NAALADL2: variants seen among roughly 807,000 people sequenced by gnomAD.
The protein encoded by NAALADL2 is N-acetylated alpha-linked acidic dipeptidase like 2, also known as inactive N-acetylated-alpha-linked acidic dipeptidase-like protein 2.
NAALADL2 carries 76 observed loss-of-function variants against 87.2 expected under a neutral mutation model. The observed-to-expected ratio is 0.87, with a 90% CI of 0.72 to 1.05. The LOEUF (loss-of-function observed/expected upper bound fraction) is 1.05, where lower values mean the gene tolerates loss of function less well. NAALADL2 is among the 50% of genes least tolerant of loss of function. The probability of loss-of-function intolerance (pLI) is 0.00; values close to 1 mark genes in which losing one functional copy is unlikely to be tolerated. For missense variants in NAALADL2, 1,089 were observed against 945.8 expected (o/e 1.15, Z -1.99); for synonymous variants, 354 against 331.0 (o/e 1.07, Z -0.75).
At chr3:174,487,754 T>C (rs1269455260) in intron 1 of NAALADL2, among the ~76,000 whole-genome samples, 2 of 151,780 alleles carry the variant, frequency 1.3e-5, no homozygotes, top group Non-Finnish European at 2.9e-5. Context: ...GGTAGACGTG[T>C]CTATGCTAGA....
chr3:175,237,449 T>C (rs1452441200), intron 3 of NAALADL2, among the ~76,000 whole-genome samples: 3 of 152,284 alleles, frequency 2.0e-5, no homozygotes, highest in African/African-American at 7.2e-5. Flanking sequence ...AAACTAGAAA[T>C]GTGAATTCGC....
chr3:175,384,221 T>C (rs1385294928), intron 5 of NAALADL2, among the ~76,000 whole-genome samples: 1 of 152,054 alleles, frequency 6.6e-6, no homozygotes, highest in Non-Finnish European at 1.5e-5. Context: ...AGTATAATGG[T>C]AAATATTCCT....
intron 1 of NAALADL2, among the ~76,000 whole-genome samples, chr3:174,987,537 C>A (rs1423192087): frequency 8.3e-6 from 1 of 120,160 alleles, no homozygotes; most frequent in East Asian, 2.5e-4. Context: ...CCACTGCACT[C>A]CAGCCTGGGC....
chr3:175,048,480 T>A (rs1295941771), intron 1 of NAALADL2, among the ~76,000 whole-genome samples: 1 of 151,830 alleles, frequency 6.6e-6, no homozygotes, highest in African/African-American at 2.4e-5. Flanking sequence ...AAGCCATCAT[T>A]GAAAGTAGAG....
intron 3 of NAALADL2, among the ~76,000 whole-genome samples, chr3:174,799,569 C>A (rs1214988570): frequency 6.6e-6 from 1 of 152,176 alleles, no homozygotes; most frequent in Non-Finnish European, 1.5e-5. Context: ...AACTGTAAGT[C>A]CCTTAAACCT....
intron 4 of NAALADL2, among the ~76,000 whole-genome samples, chr3:175,262,487 TAG>T (rs1751211936): frequency 6.6e-6 from 1 of 151,964 alleles, no homozygotes; most frequent in African/African-American, 2.4e-5. Context: ...TGCATTTAAT[TAG>T]TTAGCCTTAA....
chr3:174,804,200 T>C (rs1393441846), intron 3 of NAALADL2, among the ~76,000 whole-genome samples: 1 of 152,132 alleles, frequency 6.6e-6, no homozygotes, highest in African/African-American at 2.4e-5. Flanking sequence ...TTGTAAGTTG[T>C]ATTCCTAGGT....
At chr3:174,925,930 A>T (rs1735953286) in intron 1 of NAALADL2, among the ~76,000 whole-genome samples, 2 of 152,194 alleles carry the variant, frequency 1.3e-5, no homozygotes, top group Non-Finnish European at 1.5e-5. Context: ...GAAAGTTCGA[A>T]CCAATCACAA....
At chr3:175,173,292 A>C (rs141874682) in intron 2 of NAALADL2, among the ~76,000 whole-genome samples, 3,450 of 138,616 alleles carry the variant, frequency 0.025, 147 homozygotes, top group African/African-American at 0.087. Flanking sequence ...ACTCCGTTTC[A>C]AAATAAATAA....
chr3:175,430,533 G>T (rs954235218), intron 5 of NAALADL2, among the ~76,000 whole-genome samples: 2 of 151,826 alleles, frequency 1.3e-5, no homozygotes, highest in Non-Finnish European at 2.9e-5. Flanking sequence ...ACTCTAGTTT[G>T]TCTTCCAGCT....
chr3:174,536,438 G>A (rs1035390773), intron 1 of NAALADL2, among the ~76,000 whole-genome samples: 3 of 152,120 alleles, frequency 2.0e-5, no homozygotes, highest in African/African-American at 7.2e-5. Context: ...TAAAGCAACT[G>A]TCAAGATTCC....
At chr3:174,714,981 T>TAA (rs1731045847) in intron 2 of NAALADL2, among the ~76,000 whole-genome samples, 2 of 152,188 alleles carry the variant, frequency 1.3e-5, no homozygotes, top group African/African-American at 4.8e-5. Context: ...CATCAATACC[T>TAA]AATTTATGGA....
rs576104636 is a variant in NAALADL2, at chr3:175,462,414, G to A, written c.1235-987G>A. Among the ~76,000 whole-genome samples, 13 of 152,116 alleles carry A rather than the reference G, an allele frequency of 8.5e-5. No individual in the cohort carries two copies. In the East Asian group the frequency reaches 2.1e-3, roughly 25 times the overall value. On this transcript the variant is annotated intron_variant, in intron 6 of 13. Coordinates refer to ENST00000454872, the MANE Select transcript of NAALADL2 (RefSeq NM_207015.3). ...TATTATTTTAATGGATTCAGTATAC[G>A]GATTTTCCATTTAATTTGTTTGAAA...
chr3:174,957,529 G>A (rs1341040262), intron 1 of NAALADL2, among the ~76,000 whole-genome samples: 2 of 151,936 alleles, frequency 1.3e-5, no homozygotes, highest in African/African-American at 4.8e-5. Flanking sequence ...AGCTGTGGGG[G>A]TATATCCCGG....
chr3:175,230,577 C>G (rs1464942711), intron 2 of NAALADL2, among the ~76,000 whole-genome samples: 17 of 151,948 alleles, frequency 1.1e-4, no homozygotes, highest in Admixed American at 1.1e-3. Flanking sequence ...TAATTTTACC[C>G]TCATTGTAGA....
At chr3:175,129,748 T>A (rs1727524540) in intron 2 of NAALADL2, among the ~76,000 whole-genome samples, 1 of 152,212 alleles carries the variant, frequency 6.6e-6, no homozygotes, top group Non-Finnish European at 1.5e-5. Context: ...CGTTCCCATA[T>A]CTTGGCTACT....
chr3:175,125,142 G>T (rs1464736743), intron 2 of NAALADL2, among the ~76,000 whole-genome samples: 1 of 151,926 alleles, frequency 6.6e-6, no homozygotes, highest in Non-Finnish European at 1.5e-5. Context: ...TATGGCTGTT[G>T]TGAAGTAAAA....
At chr3:174,541,154 G>C (rs1722185969) in intron 1 of NAALADL2, among the ~76,000 whole-genome samples, 1 of 152,034 alleles carries the variant, frequency 6.6e-6, no homozygotes, top group African/African-American at 2.4e-5. Context: ...TAAAATTCAG[G>C]TAACATTAAT....
chr3:174,534,791 A>G (rs532613806), intron 1 of NAALADL2, among the ~76,000 whole-genome samples: 7 of 152,272 alleles, frequency 4.6e-5, no homozygotes, highest in African/African-American at 1.7e-4. Flanking sequence ...GAAAAAAGAC[A>G]TGGAAGGTGA....
Sources: gnomAD v4.1 joint callset for allele counts (sites outside exome capture counted in the v4.1 genomes callset) on GRCh38, gnomAD v4.1.1 for gene constraint, MANE v1.5 for transcripts, NCBI Gene and HGNC (gene_info 2026-07-23, HGNC 2026-07-21) for gene names.